PTPRN2: variants seen among roughly 807,000 people sequenced by gnomAD.
PTPRN2 encodes protein tyrosine phosphatase receptor type N2, also known as receptor-type tyrosine-protein phosphatase N2.
PTPRN2 carries 74 observed loss-of-function variants against 118.8 expected under a neutral mutation model. That is an observed-to-expected ratio of 0.62 (90% CI 0.52 to 0.76). The LOEUF is 0.76. Ranked by LOEUF, PTPRN2 falls within the 30% of genes least tolerant of loss-of-function variation. PTPRN2 has a pLI of 0.00. For synonymous variants in PTPRN2, 641 were observed against 608.0 expected (o/e 1.05, Z -0.80); for missense variants, 1,481 against 1,394.4 (o/e 1.06, Z -0.99).
At chr7:157,630,467 G>A (rs935166748) in intron 14 of PTPRN2, among the ~76,000 whole-genome samples, 1 of 152,214 alleles carries the variant, frequency 6.6e-6, no homozygotes, top group Non-Finnish European at 1.5e-5. Flanking sequence ...GCGGCAGGGA[G>A]TGAACCGGCT....
chr7:158,230,897 T>A (rs6963124), intron 3 of PTPRN2, among the ~76,000 whole-genome samples: 74,735 of 152,062 alleles, frequency 0.49, 19,614 homozygotes, highest in African/African-American at 0.69. Flanking sequence ...GGATAAAGAA[T>A]TAAGACCCAA....
chr7:158,550,536 C>G (rs930830372), intron 1 of PTPRN2, among the ~76,000 whole-genome samples: 2 of 152,236 alleles, frequency 1.3e-5, no homozygotes, highest in African/African-American at 4.8e-5. Flanking sequence ...TGGCCACCCA[C>G]GGAGTCTAAC....
At chr7:157,898,782 C>T (rs1797276503) in intron 11 of PTPRN2, 45 bp from the exon 12 acceptor site, 1 of 1,493,560 alleles carries the variant, frequency 6.7e-7, no homozygotes. Context: ...TTGGAGAGGT[C>T]CTCAGTCTCC....
intron 3 of PTPRN2, among the ~76,000 whole-genome samples, chr7:158,242,815 A>G (rs1795975570): frequency 6.6e-6 from 1 of 152,188 alleles, no homozygotes; most frequent in Non-Finnish European, 1.5e-5. Context: ...CTTGGCGTAT[A>G]AATGTCCACA....
At chr7:157,653,971 G>T (rs959112983) in intron 14 of PTPRN2, among the ~76,000 whole-genome samples, 1 of 38,634 alleles carries the variant, frequency 2.6e-5, no homozygotes, top group Admixed American at 3.6e-4. Flanking sequence ...CACCCACCCC[G>T]ACTCCACACC....
At chr7:158,213,251 T>C (rs867326545) in intron 3 of PTPRN2, among the ~76,000 whole-genome samples, 1 of 136,598 alleles carries the variant, frequency 7.3e-6, no homozygotes, top group Non-Finnish European at 1.6e-5. Context: ...TGTGTGTGTG[T>C]GGCGTAGGAA....
In PTPRN2 at chr7:157,550,374, G is replaced by A. The variant is rs1453130942; in HGVS notation, c.2903-1355C>T. ...GCTAGGAGGGAACGGCAGGGGTGGC[G>A]GGGAGGCCTGGGGAGGACACACGTT... On this transcript the variant is annotated intron_variant, in intron 21 of 22. Coordinates refer to ENST00000389418, the MANE Select transcript of PTPRN2 (RefSeq NM_002847.5). The surrounding 1 kb of genome is among the most constrained non-coding windows in gnomAD (Gnocchi z 5.2). Among the ~76,000 whole-genome samples the A allele has an allele frequency of 2.0e-5, 3 of 152,094 alleles. No homozygotes were observed. Among genetic ancestry groups the A allele is most frequent in the Non-Finnish European group, 4.4e-5 (3 of 67,950 alleles).
At chr7:158,171,946 G>T (rs1455932487) in intron 5 of PTPRN2, among the ~76,000 whole-genome samples, 3 of 152,186 alleles carry the variant, frequency 2.0e-5, no homozygotes, top group African/African-American at 7.2e-5. Flanking sequence ...TCCTGTGCAT[G>T]AAGTCTTCAA....
At chr7:157,580,970 ACCG>A (rs1800343975) in intron 17 of PTPRN2, among the ~76,000 whole-genome samples, 1 of 128,842 alleles carries the variant, frequency 7.8e-6, no homozygotes, top group Admixed American at 8.0e-5. Context: ...GCACCTGCAC[ACCG>A]CAGCCCCTGC....
At chr7:157,567,220 AAGTT>A (rs1276055962) in intron 21 of PTPRN2, among the ~76,000 whole-genome samples, 2 of 152,248 alleles carry the variant, frequency 1.3e-5, no homozygotes, top group Non-Finnish European at 2.9e-5. Context: ...AAATGACAAA[AAGTT>A]AGGATTGTGT....
intron 2 of PTPRN2, among the ~76,000 whole-genome samples, chr7:158,442,079 GTGGTGA>G (rs1319299928): frequency 1.3e-5 from 2 of 150,158 alleles, no homozygotes; most frequent in South Asian, 2.1e-4. Flanking sequence ...GGTGGCAGTG[GTGGTGA>G]TGGTGATAGT....
intron 1 of PTPRN2, among the ~76,000 whole-genome samples, chr7:158,545,536 A>G (rs1826227709): frequency 6.6e-6 from 1 of 151,942 alleles, no homozygotes; most frequent in Non-Finnish European, 1.5e-5. Flanking sequence ...GGTTTGCGCT[A>G]TTCTGGAATA....
chr7:158,143,156 G>A (rs528254135), intron 6 of PTPRN2, among the ~76,000 whole-genome samples: 2 of 152,322 alleles, frequency 1.3e-5, no homozygotes, highest in Admixed American at 6.5e-5. Context: ...TCCAATGCTG[G>A]CAACAAAGGG....
intron 13 of PTPRN2, among the ~76,000 whole-genome samples, chr7:157,664,938 C>T (rs970492508): frequency 6.6e-6 from 1 of 152,260 alleles, no homozygotes; most frequent in African/African-American, 2.4e-5. Context: ...GGTGCATCCT[C>T]ACCCGGAACA....
chr7:158,465,384 A>T (rs1034674590), intron 2 of PTPRN2, among the ~76,000 whole-genome samples: 2 of 152,128 alleles, frequency 1.3e-5, no homozygotes, highest in African/African-American at 4.8e-5. Context: ...CCCTTACTGT[A>T]TCTCCTGTAC....
At chr7:157,717,943 C>T (rs184049648) in intron 12 of PTPRN2, among the ~76,000 whole-genome samples, 130 of 152,386 alleles carry the variant, frequency 8.5e-4, no homozygotes, top group African/African-American at 2.9e-3. Flanking sequence ...CTGAAACATG[C>T]GCAGCCATTT....
At chr7:158,145,242 C>A (rs1224419808) in intron 6 of PTPRN2, among the ~76,000 whole-genome samples, 1 of 149,752 alleles carries the variant, frequency 6.7e-6, no homozygotes, top group Non-Finnish European at 1.5e-5. Context: ...TTCCAGAATA[C>A]CACGGCTTGG....
chr7:158,501,069 G>A (rs892053921), intron 1 of PTPRN2, among the ~76,000 whole-genome samples: 4 of 152,250 alleles, frequency 2.6e-5, no homozygotes, highest in African/African-American at 4.8e-5. Flanking sequence ...GCGCCCTTCC[G>A]GTAATGGGAA....
At chr7:157,902,389 G>A (rs548145279) in intron 11 of PTPRN2, among the ~76,000 whole-genome samples, 1,031 of 133,174 alleles carry the variant, frequency 7.7e-3, no homozygotes, top group African/African-American at 0.038. Flanking sequence ...ACCTCACCGT[G>A]GCCTCAAGAG....
Sources: gnomAD v4.1 joint callset for allele counts (sites outside exome capture counted in the v4.1 genomes callset) on GRCh38, gnomAD v4.1.1 for gene constraint, Gnocchi (gnomAD v3.1) non-coding constraint, MANE v1.5 for transcripts, NCBI Gene and HGNC (gene_info 2026-07-23, HGNC 2026-07-21) for gene names.